ANTXR1: variants seen among roughly 807,000 people sequenced by gnomAD.
ANTXR1 encodes ANTXR cell adhesion molecule 1.
ANTXR1 carries 19 observed loss-of-function variants against 78.1 expected under a neutral mutation model. The ratio of observed to expected loss-of-function variants is 0.24; its 90% CI spans 0.17 to 0.36. ANTXR1 has a LOEUF of 0.36. Among genes scored for constraint, ANTXR1 ranks in the 10% least tolerant of loss-of-function variants. The pLI is 1.00. For synonymous variants in ANTXR1, 273 were observed against 260.5 expected, an observed-to-expected ratio of 1.05 and a Z score of -0.46; for missense variants, 518 against 718.6, an observed-to-expected ratio of 0.72 and a Z score of 3.19.
At chr2:69,016,571 A>C (rs1433810695) in intron 1 of ANTXR1, among the ~76,000 whole-genome samples, 2 of 152,206 alleles carry the variant, frequency 1.3e-5, no homozygotes, top group African/African-American at 4.8e-5. Context: ...ATTTTAGGAG[A>C]AATACATAAT....
At chr2:69,210,473 G>A (rs1558647990) in intron 17 of ANTXR1, among the ~76,000 whole-genome samples, 2 of 152,202 alleles carry the variant, frequency 1.3e-5, no homozygotes, top group Admixed American at 1.3e-4. Context: ...TTGGCTGGCA[G>A]GAAGATGAGC....
intron 13 of ANTXR1, among the ~76,000 whole-genome samples, chr2:69,153,880 C>T (rs1177272805): frequency 6.6e-6 from 1 of 152,114 alleles, no homozygotes; most frequent in Non-Finnish European, 1.5e-5. Context: ...TGACCTTGGG[C>T]AAGTTTCTTC....
At chr2:69,219,375 CAGA>C (rs1172008611) in intron 17 of ANTXR1, among the ~76,000 whole-genome samples, 7 of 69,888 alleles carry the variant, frequency 1.0e-4, no homozygotes, top group East Asian at 1.3e-3. Flanking sequence ...CAGTGTCCAC[CAGA>C]AGGAGGACAC....
In ANTXR1 at chr2:69,049,401, C is replaced by T. The variant is rs554661964; in HGVS notation, c.296+4588C>T. 2.0e-5 allele frequency among the ~76,000 whole-genome samples: 3 copies of T among 152,228 alleles called. No individual in the cohort carries two copies. In the South Asian group the frequency reaches 6.2e-4, roughly 32 times the overall value. ...ACTCAGCTCACTGCAACCTCCATCT[C>T]CCAAGTTCAAGCGATTCTCCTGCCT... On this transcript the variant is annotated intron_variant, in intron 3 of 17. Coordinates refer to ENST00000303714, the MANE Select transcript of ANTXR1 (RefSeq NM_032208.3).
chr2:69,023,516 A>AGATGATGAT (rs893213627), intron 1 of ANTXR1, among the ~76,000 whole-genome samples: 3 of 83,750 alleles, frequency 3.6e-5, no homozygotes, highest in Non-Finnish European at 6.0e-5. Flanking sequence ...GTGGAGGTGG[A>AGATGATGAT]GATGATGATG....
At chr2:69,134,152 G>A (rs748875712) in intron 12 of ANTXR1, among the ~76,000 whole-genome samples, 27 of 152,122 alleles carry the variant, frequency 1.8e-4, no homozygotes, top group Admixed American at 3.9e-4. Context: ...TAAAATCTCC[G>A]TTCGAATATT....
intron 14 of ANTXR1, 51 bp from the exon 15 acceptor site, chr2:69,181,735 C>G: frequency 6.4e-7 from 1 of 1,558,012 alleles, no homozygotes; most frequent in Non-Finnish European, 8.9e-7. Flanking sequence ...GTAGGCAGGT[C>G]CACACAGCAG....
At chr2:69,056,067 T>C (rs1204519671) in intron 3 of ANTXR1, among the ~76,000 whole-genome samples, 1 of 152,164 alleles carries the variant, frequency 6.6e-6, no homozygotes, top group Non-Finnish European at 1.5e-5. Context: ...CTACTACTCA[T>C]GTGGCAAATA....
intron 9 of ANTXR1, among the ~76,000 whole-genome samples, chr2:69,099,275 G>A (rs1352474361): frequency 2.6e-5 from 4 of 152,178 alleles, no homozygotes; most frequent in African/African-American, 9.7e-5. Context: ...CCATGTCATA[G>A]CATGTATGAG....
In ANTXR1 at chr2:69,247,689, G is replaced by A. The variant is rs1026280988; in HGVS notation, c.*2204G>A. The A allele has an allele frequency of 6.6e-6, 1 of 152,430 alleles. No homozygotes were observed. The allele number at this position is 152,430 out of a possible 1,614,324, so 9.4% of individuals were successfully genotyped here. ...CCCAGGCTCACAGTGTAGAGACATT[G>A]AGCCCATCACAACTGTTTTGACTGC... On this transcript the variant is annotated 3_prime_UTR_variant, in exon 18 of 18. Transcript: ENST00000303714.
intron 1 of ANTXR1, among the ~76,000 whole-genome samples, chr2:69,016,488 G>A (rs1671030048): frequency 6.6e-6 from 1 of 152,178 alleles, no homozygotes; most frequent in Non-Finnish European, 1.5e-5. Context: ...GTGTCTAACA[G>A]CAGTGGATTT....
intron 17 of ANTXR1, among the ~76,000 whole-genome samples, chr2:69,214,611 T>C (rs925869408): frequency 1.3e-5 from 2 of 152,166 alleles, no homozygotes; most frequent in African/African-American, 4.8e-5. Flanking sequence ...AGGTTGTCTC[T>C]CCCCTGTTTC....
intron 13 of ANTXR1, among the ~76,000 whole-genome samples, chr2:69,161,684 G>A (rs952904890): frequency 6.6e-6 from 1 of 152,162 alleles, no homozygotes; most frequent in African/African-American, 2.4e-5. Context: ...TCAATTAAAA[G>A]AATACTTACA....
intron 10 of ANTXR1, among the ~76,000 whole-genome samples, chr2:69,107,852 CTTCT>C (rs75060263): frequency 0.18 from 23,125 of 127,496 alleles, 1,878 homozygotes; most frequent in East Asian, 0.28. Flanking sequence ...TAGGATAAGA[CTTCT>C]TTAACATAAA....
chr2:69,058,051 GA>G (rs1670117200), intron 3 of ANTXR1, among the ~76,000 whole-genome samples: 1 of 152,164 alleles, frequency 6.6e-6, no homozygotes. Context: ...GGAAGCTGCA[GA>G]AAAAAAGTTT....
intron 17 of ANTXR1, among the ~76,000 whole-genome samples, chr2:69,205,231 G>A (rs1387049926): frequency 6.6e-6 from 1 of 152,102 alleles, no homozygotes; most frequent in Non-Finnish European, 1.5e-5. Flanking sequence ...GAGATCCGAA[G>A]GACAAACTCT....
At chr2:69,055,294 G>T (rs1670036220) in intron 3 of ANTXR1, among the ~76,000 whole-genome samples, 1 of 152,304 alleles carries the variant, frequency 6.6e-6, no homozygotes, top group South Asian at 2.1e-4. Flanking sequence ...ATAGAGGGAT[G>T]CAGGTAGAAA....
intron 17 of ANTXR1, among the ~76,000 whole-genome samples, chr2:69,231,001 T>G (rs1395848581): frequency 1.3e-5 from 2 of 152,194 alleles, no homozygotes; most frequent in Non-Finnish European, 2.9e-5. Flanking sequence ...TGTTTCTGTC[T>G]TTGTGTTCAT....
chr2:69,190,386 G>A (rs1674519811), intron 16 of ANTXR1, among the ~76,000 whole-genome samples: 1 of 152,186 alleles, frequency 6.6e-6, no homozygotes, highest in Non-Finnish European at 1.5e-5. Context: ...AAGATGGACA[G>A]ATGCATGCTT....
Sources: allele counts gnomAD v4.1 joint callset (sites outside exome capture counted in the v4.1 genomes callset), GRCh38; gene constraint gnomAD v4.1.1; transcripts MANE v1.5; gene names NCBI Gene and HGNC (gene_info 2026-07-23, HGNC 2026-07-21).